Variants in NDUFA10 observed in about 807,000 individuals in gnomAD.
NDUFA10 encodes NADH:ubiquinone oxidoreductase subunit A10, also known as NADH dehydrogenase [ubiquinone] 1 alpha subcomplex subunit 10, mitochondrial.
In NDUFA10, 40 loss-of-function variants were observed where a neutral mutation model predicts 47.8. The ratio of observed to expected loss-of-function variants is 0.84; its 90% CI spans 0.65 to 1.09. The LOEUF (loss-of-function observed/expected upper bound fraction) is 1.09. Ranked by LOEUF, NDUFA10 falls within the 50% of genes least tolerant of loss-of-function variation. The probability of loss-of-function intolerance (pLI) is 0.00; values close to 1 mark genes in which losing one functional copy is unlikely to be tolerated. For synonymous variants in NDUFA10, 183 were observed against 172.2 expected, an observed-to-expected ratio of 1.06 and a Z score of -0.49; for missense variants, 413 against 451.1, an observed-to-expected ratio of 0.92 and a Z score of 0.76.
chr2:239,995,110 C>T (rs946970609), intron 8 of NDUFA10, among the ~76,000 whole-genome samples: 3 of 152,084 alleles, frequency 2.0e-5, no homozygotes, highest in African/African-American at 7.2e-5. Context: ...CCCATTCCTA[C>T]TAAAAATACA....
intron 8 of NDUFA10, among the ~76,000 whole-genome samples, chr2:239,999,728 G>C (rs1034754321): frequency 6.6e-6 from 1 of 152,246 alleles, no homozygotes; most frequent in Non-Finnish European, 1.5e-5. Context: ...CCTGACAGCT[G>C]CAGCTAAAGC....
chr2:239,896,212 C>A (rs1480155788), intron 4 of NDUFA10, among the ~76,000 whole-genome samples: 1 of 152,208 alleles, frequency 6.6e-6, no homozygotes, highest in African/African-American at 2.4e-5. Flanking sequence ...AATGGAGAGG[C>A]AAGGAATGGC....
At chr2:239,967,218 G>A (rs918317724) in intron 9 of NDUFA10, among the ~76,000 whole-genome samples, 2 of 152,232 alleles carry the variant, frequency 1.3e-5, no homozygotes, top group African/African-American at 4.8e-5. Flanking sequence ...TCATTATGCT[G>A]CTGCTTACAC....
chr2:240,009,196 CG>C (rs1347082839), intron 6 of NDUFA10, among the ~76,000 whole-genome samples: 1 of 152,206 alleles, frequency 6.6e-6, no homozygotes, highest in Non-Finnish European at 1.5e-5. Context: ...TTACAAAACT[CG>C]CTACATGTCA....
chr2:240,005,106 T>C, intron 8 of NDUFA10, 104 bp downstream of exon 8: 1 of 1,023,452 alleles, frequency 9.8e-7, no homozygotes, highest in Non-Finnish European at 1.6e-6. Context: ...GGGTTGGTGC[T>C]GCTAACACCT....
intron 4 of NDUFA10, among the ~76,000 whole-genome samples, chr2:239,909,201 C>T (rs949075382): frequency 1.4e-5 from 2 of 147,346 alleles, no homozygotes; most frequent in Middle Eastern, 3.4e-3. Context: ...AAAGTGGGGT[C>T]TTAATATTCA....
chr2:239,904,446 C>T (rs948196787), intron 4 of NDUFA10, among the ~76,000 whole-genome samples: 3 of 152,120 alleles, frequency 2.0e-5, no homozygotes, highest in East Asian at 1.9e-4. Flanking sequence ...TACAGGCACA[C>T]GCCATGTCCA....
downstream of NDUFA10, among the ~76,000 whole-genome samples, chr2:239,953,947 C>A (rs1178859968): frequency 6.6e-6 from 1 of 152,100 alleles, no homozygotes; most frequent in African/African-American, 2.4e-5. Flanking sequence ...ACCTGCTGGG[C>A]TGGGCTAGGC....
intron 9 of NDUFA10, among the ~76,000 whole-genome samples, chr2:239,988,257 A>C (rs1696086606): frequency 6.6e-6 from 1 of 152,248 alleles, no homozygotes; most frequent in Non-Finnish European, 1.5e-5. Flanking sequence ...ATAAATATTG[A>C]ATAAACTTTA....
intron 1 of NDUFA10, among the ~76,000 whole-genome samples, 198 bp from the exon 2 acceptor site, chr2:240,022,538 T>C (rs147244174): frequency 1.2e-4 from 19 of 152,160 alleles, no homozygotes; most frequent in African/African-American, 4.1e-4. Flanking sequence ...TAAAGGCAGA[T>C]ATACTGTCTG....
intron 4 of NDUFA10, among the ~76,000 whole-genome samples, chr2:239,926,812 C>T (rs1179664387): frequency 3.3e-5 from 5 of 152,108 alleles, no homozygotes; most frequent in East Asian, 1.9e-4. Context: ...AAGACGTACC[C>T]GAGACCGGGT....
intron 4 of NDUFA10, among the ~76,000 whole-genome samples, chr2:239,903,351 T>C (rs1423316770): frequency 2.0e-5 from 3 of 152,152 alleles, no homozygotes; most frequent in Non-Finnish European, 4.4e-5. Context: ...CCTTCTGCAT[T>C]TTACCTGGAG....
chr2:239,911,237 T>A (rs779531868), intron 4 of NDUFA10, among the ~76,000 whole-genome samples: 1 of 152,186 alleles, frequency 6.6e-6, no homozygotes, highest in Non-Finnish European at 1.5e-5. Flanking sequence ...GCTCACACCC[T>A]GACCTGGGAG....
chr2:239,910,665 G>A (rs751075915), intron 4 of NDUFA10, among the ~76,000 whole-genome samples: 5 of 152,032 alleles, frequency 3.3e-5, no homozygotes, highest in East Asian at 1.9e-4. Context: ...CATGACACAC[G>A]TTTACCTGTG....
Position 240,007,243 on chromosome 2 carries a change from G to T in NDUFA10, c.804+73C>A, listed in dbSNP as rs868224909. ...TAAGACCAGTGGGAATCTAACTGAC[G>T]ATCTGATTTGCAAGAACCTTACACA... On this transcript the variant is annotated intron_variant, in intron 7 of 9. Transcript: ENST00000252711. The T allele has an allele frequency of 6.1e-6, 7 of 1,146,764 alleles. No individual in the cohort carries two copies. In the East Asian group the frequency reaches 7.3e-5, roughly 12 times the overall value. 71.0% of individuals were successfully genotyped at this position (1,146,764 alleles called of 1,614,324 possible). A position where few individuals can be genotyped will look rare whatever the true frequency, so the allele number is the denominator to read the frequency against.
intron 7 of NDUFA10, among the ~76,000 whole-genome samples, chr2:240,005,592 A>G (rs1696919855): frequency 6.6e-6 from 1 of 152,170 alleles, no homozygotes; most frequent in Admixed American, 6.5e-5. Context: ...CCTGGGCTCA[A>G]GCGATCCTCC....
At chr2:239,935,061 A>AGCTGG (rs1694241240) in intron 4 of NDUFA10, among the ~76,000 whole-genome samples, 5 of 152,092 alleles carry the variant, frequency 3.3e-5, no homozygotes, top group Non-Finnish European at 7.4e-5. Flanking sequence ...TCTTCCTGGG[A>AGCTGG]GAGTCCTTCT....
At chr2:240,010,408 A>C (rs1019764278) in intron 6 of NDUFA10, among the ~76,000 whole-genome samples, 1 of 152,214 alleles carries the variant, frequency 6.6e-6, no homozygotes, top group African/African-American at 2.4e-5. Context: ...TTGTAGCTAG[A>C]AACTCCATTT....
At chr2:239,916,122 C>T (rs1341141558) in intron 4 of NDUFA10, among the ~76,000 whole-genome samples, 1 of 151,414 alleles carries the variant, frequency 6.6e-6, no homozygotes, top group East Asian at 1.9e-4. Context: ...CACACACATA[C>T]ATAGACACAC....
Sources: gnomAD v4.1 joint callset for allele counts (sites outside exome capture counted in the v4.1 genomes callset) on GRCh38, gnomAD v4.1.1 for gene constraint, MANE v1.5 for transcripts, NCBI Gene and HGNC (gene_info 2026-07-23, HGNC 2026-07-21) for gene names.